Variants in DGKB observed in about 807,000 individuals in gnomAD.
The protein encoded by DGKB is diacylglycerol kinase beta, also known as 90 kDa diacylglycerol kinase.
DGKB carries 67 observed loss-of-function variants against 114.3 expected under a neutral mutation model. That is an observed-to-expected ratio of 0.59 (90% CI 0.48 to 0.72). The LOEUF is 0.72. Among genes scored for constraint, DGKB ranks in the 30% least tolerant of loss-of-function variants. DGKB has a pLI of 0.00. For synonymous variants in DGKB, 398 were observed against 323.1 expected (o/e 1.23, Z -2.49); for missense variants, 907 against 975.2 (o/e 0.93, Z 0.93).
intron 1 of DGKB, among the ~76,000 whole-genome samples, chr7:14,949,272 C>T (rs1393850102): frequency 6.6e-6 from 1 of 151,916 alleles, no homozygotes; most frequent in African/African-American, 2.4e-5. Context: ...CAAGTGTCAG[C>T]ATCACATGTT....
intron 20 of DGKB, among the ~76,000 whole-genome samples, chr7:14,483,203 A>G (rs1783253583): frequency 6.6e-6 from 1 of 152,144 alleles, no homozygotes; most frequent in African/African-American, 2.4e-5. Context: ...TTGATGATTG[A>G]TATCGATTGG....
intron 20 of DGKB, among the ~76,000 whole-genome samples, chr7:14,526,311 T>C (rs1319901090): frequency 6.6e-6 from 1 of 152,102 alleles, no homozygotes; most frequent in African/African-American, 2.4e-5. Flanking sequence ...CCCTGGTCTG[T>C]ACTCATAAGA....
chr7:14,179,685 G>A (rs1043395498), intron 23 of DGKB, among the ~76,000 whole-genome samples: 4 of 152,132 alleles, frequency 2.6e-5, no homozygotes, highest in African/African-American at 4.8e-5. Flanking sequence ...GCCCAGGATC[G>A]TAGGTAAATT....
intron 17 of DGKB, among the ~76,000 whole-genome samples, chr7:14,588,542 T>C (rs1021968322): frequency 2.6e-5 from 4 of 152,086 alleles, no homozygotes; most frequent in African/African-American, 9.7e-5. Context: ...CCCCACTTTC[T>C]CCCATCTCCC....
intron 23 of DGKB, among the ~76,000 whole-genome samples, chr7:14,281,553 T>C (rs1799959264): frequency 6.8e-6 from 1 of 147,182 alleles, no homozygotes; most frequent in African/African-American, 2.7e-5. Context: ...ATCAACAGAA[T>C]ATACATTTTT....
intron 25 of DGKB, among the ~76,000 whole-genome samples, chr7:14,166,979 G>A (rs998623244): frequency 2.6e-5 from 4 of 152,114 alleles, no homozygotes; most frequent in African/African-American, 9.7e-5. Context: ...GGAGGCCAAG[G>A]CAGGCGGATT....
intron 4 of DGKB, among the ~76,000 whole-genome samples, chr7:14,745,219 C>G (rs1425750371): frequency 6.6e-6 from 1 of 152,126 alleles, no homozygotes; most frequent in Non-Finnish European, 1.5e-5. Context: ...CTCTTCTCAC[C>G]TTCAGGCCAT....
chr7:14,886,306 T>C lies in DGKB; in HGVS notation c.-188+16286A>G, dbSNP rs550386592. Among the ~76,000 whole-genome samples, 8 of 151,992 alleles carry C rather than the reference T, an allele frequency of 5.3e-5. No homozygotes were observed. In the South Asian group the frequency reaches 1.5e-3, roughly 28 times the overall value. On this transcript the variant is annotated intron_variant, in intron 1 of 25. Coordinates refer to ENST00000402815, the MANE Select transcript of DGKB (RefSeq NM_001350709.2). ...ACATGGGAAGAAGTGTTTGGAAGGA[T>C]GCAGATAAGCTCAGTTTTGATACTA...
chr7:14,804,439 G>A (rs60449488), intron 2 of DGKB, among the ~76,000 whole-genome samples: 12,949 of 151,886 alleles, frequency 0.085, 732 homozygotes, highest in East Asian at 0.24. Flanking sequence ...AAATACCTAT[G>A]TACGTATGTA....
chr7:14,720,870 C>T (rs1016942482), intron 5 of DGKB, among the ~76,000 whole-genome samples: 10 of 150,904 alleles, frequency 6.6e-5, no homozygotes, highest in East Asian at 1.9e-4. Context: ...AAAAAAAGAC[C>T]GGAATAATTG....
intron 2 of DGKB, among the ~76,000 whole-genome samples, chr7:14,830,026 A>G (rs1367305322): frequency 2.0e-5 from 3 of 152,096 alleles, no homozygotes; most frequent in Admixed American, 6.6e-5. Context: ...CCCAGAAATA[A>G]AAAATGTTTA....
At chr7:14,736,734 C>G (rs1442327569) in intron 4 of DGKB, among the ~76,000 whole-genome samples, 1 of 152,206 alleles carries the variant, frequency 6.6e-6, no homozygotes, top group Non-Finnish European at 1.5e-5. Context: ...CCTAAAACTT[C>G]ATACGCAGAC....
intron 21 of DGKB, among the ~76,000 whole-genome samples, chr7:14,393,436 C>A (rs542816742): frequency 7.5e-4 from 114 of 152,054 alleles, no homozygotes; most frequent in Non-Finnish European, 1.5e-3. Context: ...TAAAAAAGCA[C>A]TCAATATTAT....
intron 21 of DGKB, among the ~76,000 whole-genome samples, chr7:14,461,066 C>A (rs550502092): frequency 2.0e-4 from 30 of 152,138 alleles, no homozygotes; most frequent in Non-Finnish European, 4.3e-4. Context: ...AACAAAGACA[C>A]AATGTACCAG....
chr7:14,433,238 T>C (rs1463801828), intron 21 of DGKB, among the ~76,000 whole-genome samples: 1 of 152,056 alleles, frequency 6.6e-6, no homozygotes, highest in Non-Finnish European at 1.5e-5. Context: ...GAGCTCCCCA[T>C]GAGATTAGCT....
At chr7:14,932,692 A>C (rs1057325683) in intron 1 of DGKB, among the ~76,000 whole-genome samples, 2 of 152,192 alleles carry the variant, frequency 1.3e-5, no homozygotes, top group Non-Finnish European at 2.9e-5. Flanking sequence ...CTCAGGTATT[A>C]ATAACGCAAA....
intron 24 of DGKB, among the ~76,000 whole-genome samples, chr7:14,177,207 C>T (rs1781886736): frequency 1.3e-5 from 2 of 152,004 alleles, no homozygotes; most frequent in Non-Finnish European, 2.9e-5. Flanking sequence ...AAAGAGATTC[C>T]TTGTTTTTAT....
chr7:14,422,670 TAA>T (rs956659573), intron 21 of DGKB, among the ~76,000 whole-genome samples: 9 of 151,982 alleles, frequency 5.9e-5, no homozygotes, highest in African/African-American at 2.2e-4. Context: ...AGCAGTTAGC[TAA>T]AAAGTTTCCC....
intron 21 of DGKB, among the ~76,000 whole-genome samples, chr7:14,414,330 G>A (rs528085414): frequency 2.0e-5 from 3 of 152,024 alleles, no homozygotes; most frequent in South Asian, 2.1e-4. Context: ...AAACTTGCTC[G>A]AGCAACTAAA....
Sources: gnomAD v4.1 joint callset for allele counts (sites outside exome capture counted in the v4.1 genomes callset) on GRCh38, gnomAD v4.1.1 for gene constraint, MANE v1.5 for transcripts, NCBI Gene and HGNC (gene_info 2026-07-23, HGNC 2026-07-21) for gene names.